Variants in TBC1D15 observed in about 807,000 individuals in gnomAD.
TBC1D15 encodes the protein TBC1 domain family member 15.
TBC1D15 carries 39 observed loss-of-function variants against 95.4 expected under a neutral mutation model. That is an observed-to-expected ratio of 0.41 (90% CI 0.32 to 0.53). The LOEUF (loss-of-function observed/expected upper bound fraction) is 0.53. Ranked by LOEUF, TBC1D15 falls within the 20% of genes least tolerant of loss-of-function variation. The probability of loss-of-function intolerance (pLI) is 0.29; values close to 1 mark genes in which losing one functional copy is unlikely to be tolerated. For missense variants in TBC1D15, 733 were observed against 794.3 expected (o/e 0.92, Z 0.93); for synonymous variants, 258 against 261.3 (o/e 0.99, Z 0.12).
chr12:71,920,791 G>C lies in TBC1D15; in HGVS notation c.1660G>C (p.Glu554Gln), dbSNP rs1336255413. The C allele has an allele frequency of 1.2e-6, 2 of 1,612,560 alleles. No homozygotes were observed. Among genetic ancestry groups the C allele is most frequent in the Admixed American group, 1.7e-5 (1 of 59,864 alleles). Residue 554 changes from glutamate to glutamine, a missense_variant, in exon 15 of 17, where the codon GAA becomes CAA. Glu to Gln is a conservative substitution (Grantham distance 29). Coordinates refer to ENST00000485960, the MANE Select transcript of TBC1D15 (RefSeq NM_001146213.3). ...FHLLLCCAIL[E>Q]SEKQQIMEKH... Reference sequence around the variant, plus strand: ...TCTTCTTCTCTGTTGTGCTATTCTGGAATCAGAAAAGCAGCAAATAATGGA... The same window carrying C: ...TCTTCTTCTCTGTTGTGCTATTCTGCAATCAGAAAAGCAGCAAATAATGGA...
chr12:71,919,644 T>C (rs1868476402), intron 14 of TBC1D15, among the ~76,000 whole-genome samples: 1 of 152,222 alleles, frequency 6.6e-6, no homozygotes, highest in Admixed American at 6.5e-5. Context: ...CTATCTGGAA[T>C]CGTACTTAAA....
At chr12:71,851,106 C>T (rs1187102695) in intron 1 of TBC1D15, among the ~76,000 whole-genome samples, 1 of 151,790 alleles carries the variant, frequency 6.6e-6, no homozygotes, top group Non-Finnish European at 1.5e-5. Flanking sequence ...GGCATCTGCT[C>T]AGCTTCTGGG....
At chr12:71,909,314 T>G (rs560430799) in intron 11 of TBC1D15, among the ~76,000 whole-genome samples, 8 of 152,300 alleles carry the variant, frequency 5.3e-5, no homozygotes, top group Non-Finnish European at 1.2e-4. Flanking sequence ...TACTCTGTCT[T>G]GTAGGTGATT....
At chr12:71,865,773 T>C (rs1326859074) in intron 1 of TBC1D15, among the ~76,000 whole-genome samples, 1 of 152,100 alleles carries the variant, frequency 6.6e-6, no homozygotes, top group Non-Finnish European at 1.5e-5. Flanking sequence ...CTGTGTCAGC[T>C]CAGCCTGGGG....
At chr12:71,900,565 CTCAT>C (rs1417508333) in intron 10 of TBC1D15, among the ~76,000 whole-genome samples, 2 of 152,032 alleles carry the variant, frequency 1.3e-5, no homozygotes, top group African/African-American at 4.8e-5. Context: ...CATTCATACA[CTCAT>C]TCATTCTTTC....
At chr12:71,843,841 T>G (rs1197385939) in intron 1 of TBC1D15, among the ~76,000 whole-genome samples, 1 of 152,174 alleles carries the variant, frequency 6.6e-6, no homozygotes, top group Non-Finnish European at 1.5e-5. Context: ...TTGCTCTTCC[T>G]TGAGAGTTGT....
intron 12 of TBC1D15, among the ~76,000 whole-genome samples, chr12:71,916,949 G>A (rs962403698): frequency 4.6e-5 from 7 of 151,962 alleles, no homozygotes; most frequent in African/African-American, 1.7e-4. Flanking sequence ...TTAATACTGA[G>A]AAACTTGTAT....
At position 71,906,875 on chromosome 12, in the gene TBC1D15, A is replaced by C. The variant is rs375697947; in HGVS notation, c.1184-147A>C. 3.7e-4 allele frequency: 172 copies of C among 463,234 alleles called. 3 individuals carry two copies. In the South Asian group the frequency reaches 7.7e-3, roughly 21 times the overall value. The allele number at this position is 463,234 out of a possible 1,614,324, so 28.7% of individuals were successfully genotyped here. A position where few individuals can be genotyped will look rare whatever the true frequency, so the allele number is the denominator to read the frequency against. The stretch of plus-strand genomic sequence containing the variant: ...TGTTACTTTATTGCATATTTGAAAT[A>C]GAATTTGATGAATTTTTTCTTCATT... On this transcript the variant is annotated intron_variant, in intron 10 of 16. Coordinates refer to ENST00000485960, the MANE Select transcript of TBC1D15 (RefSeq NM_001146213.3).
chr12:71,912,478 T>G (rs369904118), intron 11 of TBC1D15, among the ~76,000 whole-genome samples: 1 of 152,080 alleles, frequency 6.6e-6, no homozygotes, highest in African/African-American at 2.4e-5. Context: ...TCACAGCAAA[T>G]TGAGCTGAAA....
At chr12:71,875,027 C>A (rs1274095779) in intron 3 of TBC1D15, among the ~76,000 whole-genome samples, 3 of 151,404 alleles carry the variant, frequency 2.0e-5, no homozygotes, top group African/African-American at 7.3e-5. Context: ...GCAACCTCCG[C>A]CTCCTGGCCC....
chr12:71,900,234 G>A (rs1278165353), intron 10 of TBC1D15, among the ~76,000 whole-genome samples: 1 of 152,160 alleles, frequency 6.6e-6, no homozygotes, highest in Admixed American at 6.5e-5. Flanking sequence ...GTCTGGACTA[G>A]TCTGGCAGGA....
At chr12:71,887,863 T>G (rs1896535239) in intron 5 of TBC1D15, among the ~76,000 whole-genome samples, 1 of 152,248 alleles carries the variant, frequency 6.6e-6, no homozygotes, top group South Asian at 2.1e-4. Flanking sequence ...AGCTACAGTT[T>G]CTGGTACATA....
chr12:71,920,124 T>A (rs1322043693), intron 14 of TBC1D15, among the ~76,000 whole-genome samples: 3 of 152,182 alleles, frequency 2.0e-5, no homozygotes, highest in African/African-American at 7.2e-5. Flanking sequence ...ATTAAGACCC[T>A]AAATTCGAGG....
intron 3 of TBC1D15, among the ~76,000 whole-genome samples, chr12:71,877,435 T>G (rs1894130307): frequency 6.6e-6 from 1 of 151,786 alleles, no homozygotes; most frequent in African/African-American, 2.4e-5. Flanking sequence ...GTTTTCTTTC[T>G]TTCTGGAGCT....
chr12:71,855,727 G>A lies in TBC1D15; in HGVS notation c.30+15916G>A, dbSNP rs367674941. 2.0e-4 allele frequency among the ~76,000 whole-genome samples: 30 copies of A among 146,546 alleles called. No homozygotes were observed. The South Asian group carries it at 5.5e-3, about 27-fold the overall frequency. ...CCAATAACTCCAGATGACCTTCCAC[G>A]TACCACCCCTTGTCTCCTAAGAAAC... On this transcript the variant is annotated intron_variant, in intron 1 of 16. Transcript: ENST00000485960.
At chr12:71,844,098 AT>A (rs1885729659) in intron 1 of TBC1D15, among the ~76,000 whole-genome samples, 1 of 152,020 alleles carries the variant, frequency 6.6e-6, no homozygotes, top group Non-Finnish European at 1.5e-5. Context: ...TGTCATTTTG[AT>A]CTTCTAAATA....
chr12:71,855,629 C>A (rs1311756151), intron 1 of TBC1D15, among the ~76,000 whole-genome samples: 4 of 133,976 alleles, frequency 3.0e-5, no homozygotes, highest in African/African-American at 8.7e-5. Context: ...GATCGCACCA[C>A]TGCACTCCAG....
intron 1 of TBC1D15, among the ~76,000 whole-genome samples, chr12:71,852,287 G>A (rs1888017607): frequency 1.3e-5 from 2 of 152,182 alleles, no homozygotes; most frequent in Admixed American, 1.3e-4. Context: ...AGGGCAGCAG[G>A]GCCCTAGGCC....
chr12:71,919,733 T>C (rs193004843), intron 14 of TBC1D15, among the ~76,000 whole-genome samples: 1 of 152,304 alleles, frequency 6.6e-6, no homozygotes, highest in Non-Finnish European at 1.5e-5. Context: ...AGTGTTCCAT[T>C]ATTGGAACGC....
Sources: gnomAD v4.1 joint callset for allele counts (sites outside exome capture counted in the v4.1 genomes callset) on GRCh38, gnomAD v4.1.1 for gene constraint, MANE v1.5 for transcripts, NCBI Gene and HGNC (gene_info 2026-07-23, HGNC 2026-07-21) for gene names.